FLI1: variants seen among roughly 807,000 people sequenced by gnomAD.
FLI1 encodes the protein Fli-1 proto-oncogene, ETS transcription factor.
In FLI1, 13 loss-of-function variants were observed where a neutral mutation model predicts 53.1. The ratio of observed to expected loss-of-function variants is 0.24; its 90% confidence interval spans 0.16 to 0.39. The LOEUF (loss-of-function observed/expected upper bound fraction) is 0.39, where lower values mean the gene tolerates loss of function less well. Among genes scored for constraint, FLI1 ranks in the 10% least tolerant of loss-of-function variants. The probability of loss-of-function intolerance (pLI) is 1.00; values close to 1 mark genes in which losing one functional copy is unlikely to be tolerated. For synonymous variants in FLI1, 244 were observed against 236.7 expected (o/e 1.03, Z -0.28); for missense variants, 424 against 600.5 (o/e 0.71, Z 3.07).
At chr11:128,718,193 C>A (rs1211708292) in intron 1 of FLI1, among the ~76,000 whole-genome samples, 1 of 152,222 alleles carries the variant, frequency 6.6e-6, no homozygotes, top group Non-Finnish European at 1.5e-5. Flanking sequence ...CAAACCCTAT[C>A]ATGTCCGTTA....
chr11:128,762,783 C>T (rs936457832), intron 2 of FLI1, among the ~76,000 whole-genome samples: 1 of 152,074 alleles, frequency 6.6e-6, no homozygotes, highest in Non-Finnish European at 1.5e-5. Flanking sequence ...ATGGTGAAAC[C>T]CTGTCTCTGC....
At chr11:128,780,549 C>T (rs963330433) in intron 4 of FLI1, among the ~76,000 whole-genome samples, 8 of 152,194 alleles carry the variant, frequency 5.3e-5, no homozygotes, top group African/African-American at 7.2e-5. Flanking sequence ...GAACTGAGAT[C>T]GCGCCATTGC....
chr11:128,701,594 T>C (rs1268963495), intron 1 of FLI1, among the ~76,000 whole-genome samples: 2 of 152,212 alleles, frequency 1.3e-5, no homozygotes, highest in Non-Finnish European at 2.9e-5. Context: ...CAAACACTAA[T>C]GTATTTAAGA....
intron 1 of FLI1, among the ~76,000 whole-genome samples, chr11:128,700,652 T>A (rs1938287948): frequency 6.6e-6 from 1 of 152,064 alleles, no homozygotes; most frequent in Admixed American, 6.5e-5. Flanking sequence ...AATGGGTGGA[T>A]CACTTGAGCC....
intron 6 of FLI1, 46 bp from the exon 7 acceptor site, chr11:128,807,133 CG>C: frequency 7.5e-7 from 1 of 1,337,876 alleles, no homozygotes; most frequent in Non-Finnish European, 1.0e-6. Flanking sequence ...TTGCTCCCCT[CG>C]GGGAGCTGGG....
intron 4 of FLI1, among the ~76,000 whole-genome samples, chr11:128,780,020 C>T (rs532287513): frequency 8.5e-5 from 13 of 152,288 alleles, no homozygotes; most frequent in South Asian, 2.1e-4. Context: ...ACACTATTAC[C>T]GTTGTCGTAT....
chr11:128,765,149 C>A (rs1277904878), intron 2 of FLI1, among the ~76,000 whole-genome samples: 1 of 152,146 alleles, frequency 6.6e-6, no homozygotes, highest in East Asian at 1.9e-4. Context: ...AGCGGCCACC[C>A]CAGCAAGAGA....
chr11:128,722,804 T>C (rs1025499058), intron 1 of FLI1, among the ~76,000 whole-genome samples: 3 of 152,142 alleles, frequency 2.0e-5, no homozygotes, highest in African/African-American at 4.8e-5. Context: ...AAACACCTCG[T>C]GCAGTCATTC....
At chr11:128,748,747 A>C (rs1037116139) in intron 1 of FLI1, among the ~76,000 whole-genome samples, 3 of 152,188 alleles carry the variant, frequency 2.0e-5, no homozygotes, top group Non-Finnish European at 4.4e-5. Context: ...GAAACGGTTT[A>C]GGGGAGGAGT....
chr11:128,773,219 C>G (rs1006110395), intron 4 of FLI1, among the ~76,000 whole-genome samples: 2 of 152,140 alleles, frequency 1.3e-5, no homozygotes, highest in Admixed American at 6.5e-5. Context: ...GAGCTGTGAC[C>G]TGGAGGGGTC....
intron 5 of FLI1, among the ~76,000 whole-genome samples, chr11:128,790,152 T>C (rs1942227147): frequency 6.6e-6 from 1 of 151,928 alleles, no homozygotes; most frequent in Non-Finnish European, 1.5e-5. Context: ...GGATAGACAG[T>C]AGCTTGCTCT....
chr11:128,755,983 C>T (rs1377496041), intron 1 of FLI1, among the ~76,000 whole-genome samples: 2 of 152,096 alleles, frequency 1.3e-5, no homozygotes, highest in African/African-American at 4.8e-5. Context: ...CCCTGGGAGA[C>T]AAGAGACAGC....
rs188487751 is a variant in FLI1, at chr11:128,802,904, T to C, written c.656-2462T>C. Among the ~76,000 whole-genome samples the C allele has an allele frequency of 8.5e-5, 13 of 152,272 alleles. No individual in the cohort carries two copies. The East Asian group carries it at 9.6e-4, about 11-fold the overall frequency. Reference sequence around the variant, plus strand: ...TGTCCCTGGAACTAGAATAAGAGAATAGGGAGAAAAGCCGATAAGAAGTCA... The same window carrying C: ...TGTCCCTGGAACTAGAATAAGAGAACAGGGAGAAAAGCCGATAAGAAGTCA... On this transcript the variant is annotated intron_variant, in intron 5 of 8. Transcript: ENST00000527786.
rs1469254689 is a variant in FLI1, at chr11:128,701,928, T to C, written c.18+7652T>C. On this transcript the variant is annotated intron_variant, in intron 1 of 8. Transcript: ENST00000527786. ...AGCAGAATTGTTAGGTCTGAATATATGGGTATTCATTGATGTTATGGGAAA... is the reference window on the plus strand; with the variant it reads ...AGCAGAATTGTTAGGTCTGAATATACGGGTATTCATTGATGTTATGGGAAA... Among the ~76,000 whole-genome samples the C allele has an allele frequency of 2.6e-5, 4 of 152,208 alleles. No individual in the cohort carries two copies. The East Asian group carries it at 5.8e-4, about 22-fold the overall frequency.
intron 1 of FLI1, among the ~76,000 whole-genome samples, chr11:128,701,736 C>G (rs1024431853): frequency 2.0e-5 from 3 of 152,150 alleles, no homozygotes; most frequent in African/African-American, 7.2e-5. Flanking sequence ...AAGAGCAAGC[C>G]CCATTTACCC....
At chr11:128,779,330 G>T (rs1211199858) in intron 4 of FLI1, among the ~76,000 whole-genome samples, 2 of 152,230 alleles carry the variant, frequency 1.3e-5, no homozygotes, top group Non-Finnish European at 2.9e-5. Flanking sequence ...GGACGGAGAG[G>T]CAAGCATTCT....
In FLI1 at chr11:128,812,596, G is replaced by T; in HGVS notation, c.*1608G>T. The T allele has an allele frequency of 4.5e-6, 1 of 223,572 alleles. No homozygotes were observed. The highest frequency in any genetic ancestry group is 8.9e-6 in the Non-Finnish European group (1 of 111,900). 13.8% of individuals were successfully genotyped at this position (223,572 alleles called of 1,614,324 possible). A position where few individuals can be genotyped will look rare whatever the true frequency, so the allele number is the denominator to read the frequency against. On this transcript the variant is annotated 3_prime_UTR_variant, in exon 9 of 9. Transcript: ENST00000527786. ...TGTTGATGATGTTTGTAGTGTTTTT[G>T]TGTGTGTTATTTAAATCTTCCTCCA...
At chr11:128,695,429 G>C (rs544171743) in intron 1 of FLI1, among the ~76,000 whole-genome samples, 1 of 152,176 alleles carries the variant, frequency 6.6e-6, no homozygotes, top group African/African-American at 2.4e-5. Flanking sequence ...TGGCGAGGTG[G>C]GGACTGGCAG....
intron 2 of FLI1, among the ~76,000 whole-genome samples, chr11:128,767,902 T>C (rs1256742044): frequency 6.6e-6 from 1 of 152,226 alleles, no homozygotes. Flanking sequence ...CAGCAGTTTT[T>C]ACGTACTGTA....
Sources: allele counts gnomAD v4.1 joint callset (sites outside exome capture counted in the v4.1 genomes callset), GRCh38; gene constraint gnomAD v4.1.1; transcripts MANE v1.5; gene names NCBI Gene and HGNC (gene_info 2026-07-23, HGNC 2026-07-21).